The following MATN2 variants were observed in gnomAD, a reference collection of about 807,000 sequenced individuals.
The protein encoded by MATN2 is matrilin 2, also known as matrilin-2.
A neutral mutation model predicts 103.2 loss-of-function variants in MATN2; 69 were observed. The ratio of observed to expected loss-of-function variants is 0.67; its 90% CI spans 0.55 to 0.82. The LOEUF is 0.82. Among genes scored for constraint, MATN2 ranks in the 40% least tolerant of loss-of-function variants. The pLI is 0.00. For missense variants in MATN2, 1,023 were observed against 1,211.5 expected (o/e 0.84, Z 2.31); for synonymous variants, 429 against 450.2 (o/e 0.95, Z 0.60).
chr8:97,908,701 G>A (rs1025808895), intron 2 of MATN2, among the ~76,000 whole-genome samples: 6 of 151,868 alleles, frequency 4.0e-5, no homozygotes, highest in Non-Finnish European at 5.9e-5. Flanking sequence ...ATGCAATCTC[G>A]GCTCACTGCA....
rs373444732 is a variant in MATN2 at position 98,003,766 on chromosome 8, A to C, written c.1310A>C (p.Asn437Thr). The C allele has an allele frequency of 3.7e-6, 6 of 1,613,366 alleles. No individual in the cohort carries two copies. The highest frequency in any genetic ancestry group is 3.3e-5 in the South Asian group (3 of 91,088). The change falls in exon 8 of 19, where the codon AAT (asparagine) becomes ACT (threonine). Residue 437 changes from asparagine (N) to threonine (T), a missense_variant. By Grantham distance (65) the Asn-to-Thr change is moderately conservative (BLOSUM62 0). Coordinates refer to ENST00000254898, the MANE Select transcript of MATN2 (RefSeq NM_002380.5). ...CACCGTGGCTACACTCTGGACCCCAATGGCAAAACCTGCAGCCGTGAGTGT... is the reference window on the plus strand; with the variant it reads ...CACCGTGGCTACACTCTGGACCCCACTGGCAAAACCTGCAGCCGTGAGTGT... ...RCHRGYTLDPNGKTCSRVDHC... is the reference protein window; with the variant it reads ...RCHRGYTLDPTGKTCSRVDHC...
rs1490132521 is a variant in MATN2, at chr8:97,931,254, C to T, written c.444C>T (p.Phe148=). ...LAIQYALNIA[F]SEAEGARPLR... Reference sequence around the variant, plus strand: ...TCCAGTATGCCCTGAACATCGCATTCTCAGAAGCAGAGGGGGCCCGGCCCC... The same window carrying T: ...TCCAGTATGCCCTGAACATCGCATTTTCAGAAGCAGAGGGGGCCCGGCCCC... The change falls in exon 3 of 19, where the codon TTC becomes TTT. Residue 148 remains phenylalanine (F), a synonymous_variant. Coordinates refer to ENST00000254898, the MANE Select transcript of MATN2 (RefSeq NM_002380.5). This position sits in a 1 kb window ranked among gnomAD's most constrained non-coding sequence, Gnocchi z 4.1. 6.2e-7 allele frequency: 1 copy of T among 1,613,816 alleles called. No individual in the cohort carries two copies. Among genetic ancestry groups the T allele is most frequent in the African/African-American group, 1.3e-5 (1 of 74,926 alleles).
At chr8:97,976,882 G>C (rs187580766) in intron 5 of MATN2, among the ~76,000 whole-genome samples, 1 of 152,146 alleles carries the variant, frequency 6.6e-6, no homozygotes, top group East Asian at 1.9e-4. Flanking sequence ...TAGTTTGCTA[G>C]AGCTATGCTG....
intron 1 of MATN2, among the ~76,000 whole-genome samples, chr8:97,871,404 G>T (rs1226594604): frequency 1.3e-5 from 2 of 152,158 alleles, no homozygotes; most frequent in Non-Finnish European, 2.9e-5. Context: ...CAAGGTGTTG[G>T]GTATGAGGCT....
At chr8:97,916,041 T>TTTTTATTTTATTTTA (rs141785984) in intron 2 of MATN2, among the ~76,000 whole-genome samples, 2,931 of 145,294 alleles carry the variant, frequency 0.02, 36 homozygotes, top group Middle Eastern at 0.035. Flanking sequence ...CTGGCTATGG[T>TTTTTATTTTATTTTA]TTTTATTTTA....
At chr8:97,950,947 G>A (rs1810929054) in intron 4 of MATN2, 2 of 152,350 alleles carry the variant, frequency 1.3e-5, no homozygotes, top group South Asian at 4.1e-4. Flanking sequence ...TGGAATCTTG[G>A]AGGGAGAAAG....
intron 2 of MATN2, among the ~76,000 whole-genome samples, chr8:97,899,774 C>T (rs968220829): frequency 6.6e-6 from 1 of 152,178 alleles, no homozygotes; most frequent in Non-Finnish European, 1.5e-5. Flanking sequence ...CAGAAGTCAG[C>T]CCATGACAAG....
chr8:97,902,582 T>C (rs753852981), intron 2 of MATN2, among the ~76,000 whole-genome samples: 1 of 151,988 alleles, frequency 6.6e-6, no homozygotes, highest in Non-Finnish European at 1.5e-5. Flanking sequence ...ACAAAGCTCT[T>C]AGCAAAAATT....
At position 97,912,436 on chromosome 8, in the gene MATN2, C is replaced by T. The variant is rs181509354; in HGVS notation, c.143-18517C>T. Among the ~76,000 whole-genome samples the T allele has an allele frequency of 3.0e-3, 459 of 152,144 alleles. 2 individuals carry two copies. The highest frequency in any genetic ancestry group is 3.2e-3 in the Non-Finnish European group (220 of 68,024). On this transcript the variant is annotated intron_variant, in intron 2 of 18. Coordinates refer to ENST00000254898, the MANE Select transcript of MATN2 (RefSeq NM_002380.5). Reference sequence around the variant, plus strand: ...GAGCCGGGCATTGAAGCGCTGAGAGCGCTGAGGAAACAAATCGTTGGCTCA... The same window carrying T: ...GAGCCGGGCATTGAAGCGCTGAGAGTGCTGAGGAAACAAATCGTTGGCTCA...
intron 2 of MATN2, among the ~76,000 whole-genome samples, chr8:97,925,267 A>G (rs1357773842): frequency 6.6e-6 from 1 of 152,212 alleles, no homozygotes; most frequent in African/African-American, 2.4e-5. Context: ...GCCAAGACTC[A>G]GCTATTGTTA....
intron 5 of MATN2, among the ~76,000 whole-genome samples, chr8:97,975,307 C>T (rs2130300412): frequency 6.6e-6 from 1 of 152,208 alleles, no homozygotes; most frequent in East Asian, 1.9e-4. Context: ...ACACCCGAGC[C>T]AATTTGGATA....
At chr8:97,894,686 T>C (rs1461029366) in intron 2 of MATN2, among the ~76,000 whole-genome samples, 1 of 152,160 alleles carries the variant, frequency 6.6e-6, no homozygotes, top group African/African-American at 2.4e-5. Flanking sequence ...GAGACACTTA[T>C]TTTCATTTTT....
chr8:98,025,141 T>G (rs948353522), intron 13 of MATN2: 1 of 152,192 alleles, frequency 6.6e-6, no homozygotes, highest in African/African-American at 2.4e-5. Context: ...AGGAACAGAC[T>G]ATGAATGTAA....
chr8:98,024,526 C>A (rs763487614), intron 13 of MATN2, among the ~76,000 whole-genome samples: 1 of 147,228 alleles, frequency 6.8e-6, no homozygotes, highest in Non-Finnish European at 1.5e-5. Context: ...ACAACAACAA[C>A]AAACAAACAA....
At chr8:97,908,366 T>C (rs535925077) in intron 2 of MATN2, among the ~76,000 whole-genome samples, 2 of 152,110 alleles carry the variant, frequency 1.3e-5, no homozygotes, top group East Asian at 1.9e-4. Flanking sequence ...TCCCAGAACT[T>C]TGGGAGGCTG....
At chr8:97,870,813 G>T (rs1437116210) in intron 1 of MATN2, among the ~76,000 whole-genome samples, 1 of 152,190 alleles carries the variant, frequency 6.6e-6, no homozygotes, top group Non-Finnish European at 1.5e-5. Context: ...ACCAACATGG[G>T]TTTATGACCT....
intron 2 of MATN2, 93 bp downstream of exon 2, chr8:97,888,335 C>G: frequency 7.5e-7 from 1 of 1,340,338 alleles, no homozygotes; most frequent in Middle Eastern, 2.7e-4. Flanking sequence ...GAGAAGCTTT[C>G]CTTTCCCTGG....
chr8:98,011,421 G>A (rs1032982940), intron 10 of MATN2, among the ~76,000 whole-genome samples: 1 of 152,164 alleles, frequency 6.6e-6, no homozygotes, highest in African/African-American at 2.4e-5. Flanking sequence ...CCCTTATTTT[G>A]TGGGAAACGG....
Position 97,978,214 on chromosome 8 carries a change from C to T in MATN2, c.959-672C>T, listed in dbSNP as rs116522558. Among the ~76,000 whole-genome samples, 1,211 of 152,190 alleles carry T rather than the reference C, an allele frequency of 8.0e-3. 17 individuals carry two copies. Among genetic ancestry groups the T allele is most frequent in the African/African-American group, 0.027 (1,106 of 41,508 alleles). On this transcript the variant is annotated intron_variant, in intron 5 of 18. Coordinates refer to ENST00000254898, the MANE Select transcript of MATN2 (RefSeq NM_002380.5). ...CTAATGAATACATTTTTGTTCATTA[C>T]ACATATTTGTGTAATGAACACATAT...
Sources: allele counts gnomAD v4.1 joint callset (sites outside exome capture counted in the v4.1 genomes callset), GRCh38; gene constraint gnomAD v4.1.1; non-coding constraint Gnocchi (gnomAD v3.1); transcripts MANE v1.5; gene names NCBI Gene and HGNC (gene_info 2026-07-23, HGNC 2026-07-21).